Variants in THSD7B observed in about 807,000 individuals in gnomAD.
THSD7B encodes the protein thrombospondin type 1 domain containing 7B, also known as thrombospondin type-1 domain-containing protein 7B.
THSD7B carries 138 observed loss-of-function variants against 213.6 expected under a neutral mutation model. That is an observed-to-expected ratio of 0.65 (90% CI 0.56 to 0.74). The LOEUF is 0.74. Among genes scored for constraint, THSD7B ranks in the 30% least tolerant of loss-of-function variants. The probability of loss-of-function intolerance (pLI) is 0.00; values close to 1 mark genes in which losing one functional copy is unlikely to be tolerated. For synonymous variants in THSD7B, 742 were observed against 687.0 expected (o/e 1.08, Z -1.25); for missense variants, 1,931 against 1,991.5 (o/e 0.97, Z 0.58).
intron 17 of THSD7B, among the ~76,000 whole-genome samples, chr2:137,586,666 C>A (rs1681736279): frequency 6.6e-6 from 1 of 152,196 alleles, no homozygotes; most frequent in Non-Finnish European, 1.5e-5. Flanking sequence ...TATTGGCCCC[C>A]ACTCTCTTCT....
At chr2:136,885,036 G>T (rs923335865) in intron 2 of THSD7B, among the ~76,000 whole-genome samples, 2 of 152,040 alleles carry the variant, frequency 1.3e-5, no homozygotes, top group Non-Finnish European at 2.9e-5. Context: ...ATTTCATTTT[G>T]ATTTTTAACA....
At chr2:137,050,706 C>T (rs2104871132) in intron 2 of THSD7B, among the ~76,000 whole-genome samples, 1 of 152,204 alleles carries the variant, frequency 6.6e-6, no homozygotes, top group Admixed American at 6.5e-5. Flanking sequence ...AATACTTTAA[C>T]ACACATATTC....
intron 7 of THSD7B, among the ~76,000 whole-genome samples, chr2:137,218,983 A>C (rs527377692): frequency 7.8e-5 from 2 of 25,582 alleles, no homozygotes; most frequent in Non-Finnish European, 1.6e-4. Context: ...TGAGTTTGTG[A>C]AAAAAAAAAT....
chr2:137,627,145 C>T (rs548470829), intron 20 of THSD7B, among the ~76,000 whole-genome samples: 1 of 152,234 alleles, frequency 6.6e-6, no homozygotes, highest in Non-Finnish European at 1.5e-5. Context: ...GCCAAGAAAG[C>T]CACACACTTT....
intron 9 of THSD7B, among the ~76,000 whole-genome samples, chr2:137,241,867 C>T (rs776441467): frequency 6.0e-5 from 9 of 150,934 alleles, no homozygotes; most frequent in Admixed American, 2.0e-4. Flanking sequence ...CGAGATCGTG[C>T]CACTGCACTC....
chr2:136,891,480 A>G (rs575486700), intron 2 of THSD7B, among the ~76,000 whole-genome samples: 3 of 152,152 alleles, frequency 2.0e-5, no homozygotes, highest in South Asian at 2.1e-4. Context: ...CTGGAAGTCT[A>G]TTCTTTAAGG....
chr2:137,334,355 G>A (rs542428101), intron 12 of THSD7B, among the ~76,000 whole-genome samples: 1 of 152,242 alleles, frequency 6.6e-6, no homozygotes, highest in Non-Finnish European at 1.5e-5. Context: ...GAACTCCACA[G>A]GAGTGAGAAG....
intron 1 of THSD7B, among the ~76,000 whole-genome samples, chr2:136,792,875 A>G (rs982406853): frequency 2.6e-5 from 4 of 152,038 alleles, no homozygotes; most frequent in Admixed American, 6.6e-5. Flanking sequence ...TTCTCTTACC[A>G]GGATGTTTTC....
At chr2:136,811,792 C>T (rs1176140438) in intron 1 of THSD7B, among the ~76,000 whole-genome samples, 1 of 152,150 alleles carries the variant, frequency 6.6e-6, no homozygotes, top group African/African-American at 2.4e-5. Context: ...AATGTTTCTA[C>T]ATGGCAGCAC....
intron 15 of THSD7B, among the ~76,000 whole-genome samples, chr2:137,479,651 G>A (rs924562317): frequency 3.3e-5 from 5 of 152,282 alleles, no homozygotes; most frequent in East Asian, 1.9e-4. Flanking sequence ...GGGATAGTGG[G>A]GGTTGCTGCC....
intron 1 of THSD7B, among the ~76,000 whole-genome samples, chr2:136,854,212 A>G (rs1683142442): frequency 6.6e-6 from 1 of 152,010 alleles, no homozygotes; most frequent in South Asian, 2.1e-4. Context: ...ACACATACTT[A>G]CACACACACA....
At chr2:137,002,112 G>A (rs1003707261) in intron 2 of THSD7B, among the ~76,000 whole-genome samples, 3 of 151,962 alleles carry the variant, frequency 2.0e-5, no homozygotes, top group African/African-American at 7.2e-5. Context: ...CTAGCTCTGG[G>A]TTTTGTGCAC....
At chr2:137,213,176 C>T (rs1681159817) in intron 7 of THSD7B, among the ~76,000 whole-genome samples, 1 of 151,392 alleles carries the variant, frequency 6.6e-6, no homozygotes, top group African/African-American at 2.4e-5. Flanking sequence ...ACCCTTTGGT[C>T]TTAACATTTT....
intron 1 of THSD7B, among the ~76,000 whole-genome samples, chr2:136,807,594 C>T (rs1204945874): frequency 2.1e-5 from 3 of 145,380 alleles, no homozygotes; most frequent in Non-Finnish European, 4.5e-5. Flanking sequence ...GCAAGCTCTG[C>T]CTCCCGGGTT....
chr2:136,784,307 T>A (rs1681799655), intron 1 of THSD7B, among the ~76,000 whole-genome samples: 1 of 152,232 alleles, frequency 6.6e-6, no homozygotes. Context: ...CTCTGCAAGA[T>A]GGAGAACATT....
chr2:137,614,990 CTT>C (rs1260945332), intron 17 of THSD7B, among the ~76,000 whole-genome samples: 2 of 152,090 alleles, frequency 1.3e-5, no homozygotes, highest in African/African-American at 2.4e-5. Flanking sequence ...CATCCAGAGA[CTT>C]TTATTTTTCC....
At chr2:137,416,712 G>C (rs943707790) in intron 14 of THSD7B, among the ~76,000 whole-genome samples, 1 of 152,212 alleles carries the variant, frequency 6.6e-6, no homozygotes, top group African/African-American at 2.4e-5. Context: ...TGTTTTAACA[G>C]CCCCTTGGGT....
chr2:136,778,296 T>C (rs13016946), intron 1 of THSD7B, among the ~76,000 whole-genome samples: 40,953 of 152,076 alleles, frequency 0.27, 5,970 homozygotes, highest in Non-Finnish European at 0.32. Flanking sequence ...ACCATTTGCT[T>C]CTATAGTTTC....
At chr2:137,421,781 G>A (rs1686934650) in intron 14 of THSD7B, among the ~76,000 whole-genome samples, 1 of 152,172 alleles carries the variant, frequency 6.6e-6, no homozygotes, top group Non-Finnish European at 1.5e-5. Flanking sequence ...GAGAAGGTTG[G>A]AGAGATTCTG....
Sources: gnomAD v4.1 joint callset for allele counts (sites outside exome capture counted in the v4.1 genomes callset) on GRCh38, gnomAD v4.1.1 for gene constraint, MANE v1.5 for transcripts, NCBI Gene and HGNC (gene_info 2026-07-23, HGNC 2026-07-21) for gene names.